The following CPED1 variants were observed in gnomAD, a reference collection of about 807,000 sequenced individuals.
The protein encoded by CPED1 is cadherin-like and PC-esterase domain-containing protein 1.
CPED1 carries 114 observed loss-of-function variants against 128.2 expected under a neutral mutation model. The observed-to-expected ratio is 0.89, with a 90% CI of 0.76 to 1.04. The LOEUF is 1.04. Ranked by LOEUF, CPED1 falls within the 50% of genes least tolerant of loss-of-function variation. The pLI, the probability that CPED1 is intolerant of heterozygous loss-of-function variation, is 0.00. For missense variants in CPED1, 1,211 were observed against 1,207.1 expected, an observed-to-expected ratio of 1.00 and a Z score of -0.05; for synonymous variants, 462 against 426.7, an observed-to-expected ratio of 1.08 and a Z score of -1.02.
At chr7:121,250,251 T>C (rs916550091) in intron 18 of CPED1, among the ~76,000 whole-genome samples, 1 of 151,788 alleles carries the variant, frequency 6.6e-6, no homozygotes, top group African/African-American at 2.4e-5. Flanking sequence ...AAGGCAGAAA[T>C]AAAGATGTTC....
At chr7:121,202,188 G>A (rs1797414887) in intron 16 of CPED1, among the ~76,000 whole-genome samples, 1 of 152,086 alleles carries the variant, frequency 6.6e-6, no homozygotes, top group South Asian at 2.1e-4. Flanking sequence ...TCCTTCCAAA[G>A]TTTTGGCCAC....
At chr7:121,008,115 C>T (rs1289730760) in intron 2 of CPED1, among the ~76,000 whole-genome samples, 3 of 152,038 alleles carry the variant, frequency 2.0e-5, no homozygotes, top group Admixed American at 2.0e-4. Context: ...GGGTACTCAT[C>T]CATCCAGAAA....
chr7:121,064,498 G>T (rs542981619), intron 5 of CPED1, among the ~76,000 whole-genome samples, 185 bp downstream of exon 5: 5 of 152,252 alleles, frequency 3.3e-5, no homozygotes, highest in East Asian at 3.9e-4. Flanking sequence ...AATAACAACC[G>T]TAACGTAACA....
At chr7:121,180,112 C>T (rs898923900) in intron 16 of CPED1, among the ~76,000 whole-genome samples, 2 of 152,036 alleles carry the variant, frequency 1.3e-5, no homozygotes, top group Admixed American at 6.6e-5. Flanking sequence ...AATAGTATCA[C>T]ATGGTGGTCC....
chr7:121,063,486 AT>A (rs1793739098), intron 4 of CPED1, among the ~76,000 whole-genome samples: 1 of 148,056 alleles, frequency 6.8e-6, no homozygotes, highest in African/African-American at 2.5e-5. Flanking sequence ...CAGCTGGGTT[AT>A]TTCTATCAAG....
intron 16 of CPED1, among the ~76,000 whole-genome samples, chr7:121,209,922 C>T (rs1797606476): frequency 2.0e-5 from 3 of 151,866 alleles, no homozygotes; most frequent in Admixed American, 2.0e-4. Flanking sequence ...AGAGAAAAAT[C>T]TAATCATCCA....
rs760693153 is a variant in CPED1 at position 121,295,816 on chromosome 7, T to C, written c.*164T>C. On this transcript the variant is annotated 3_prime_UTR_variant, in exon 23 of 23. Coordinates refer to ENST00000310396, the MANE Select transcript of CPED1 (RefSeq NM_024913.5). ...CAGTACACACACAGTTAAATAATGA[T>C]AACACTTCTTACAGCTTTATGAATT... 1.8e-5 allele frequency: 10 copies of C among 560,476 alleles called. No individual in the cohort carries two copies. Among genetic ancestry groups the C allele is most frequent in the Non-Finnish European group, 2.5e-5 (8 of 315,128 alleles). The allele number at this position is 560,476 out of a possible 1,614,324, so 34.7% of individuals were successfully genotyped here.
At chr7:121,162,179 CTGGTGAGGACTA>C (rs2116438648) in intron 16 of CPED1, among the ~76,000 whole-genome samples, 1 of 152,292 alleles carries the variant, frequency 6.6e-6, no homozygotes, top group South Asian at 2.1e-4. Flanking sequence ...GCAATAGGAA[CTGGTGAGGACTA>C]TGGCTAAGTG....
chr7:121,167,253 AAAG>A (rs1490101771), intron 16 of CPED1, among the ~76,000 whole-genome samples: 1 of 152,232 alleles, frequency 6.6e-6, no homozygotes, highest in African/African-American at 2.4e-5. Context: ...AATAGGAAAA[AAAG>A]AAGGATTAAC....
chr7:120,996,428 A>G (rs542851006), intron 2 of CPED1, among the ~76,000 whole-genome samples: 4 of 152,306 alleles, frequency 2.6e-5, no homozygotes, highest in African/African-American at 9.6e-5. Context: ...GCAAAGTCCA[A>G]AATATTCTTG....
chr7:121,245,699 G>A (rs1427700061), intron 18 of CPED1, among the ~76,000 whole-genome samples: 1 of 149,338 alleles, frequency 6.7e-6, no homozygotes, highest in Non-Finnish European at 1.5e-5. Context: ...CTACTCCACA[G>A]GCATTTTTTT....
intron 7 of CPED1, among the ~76,000 whole-genome samples, chr7:121,102,364 A>G (rs927042872): frequency 2.6e-5 from 4 of 152,158 alleles, no homozygotes; most frequent in African/African-American, 9.7e-5. Context: ...TCCAGCTAGT[A>G]TGATGTTTGG....
At chr7:121,047,736 A>C (rs1453576251) in intron 4 of CPED1, among the ~76,000 whole-genome samples, 2 of 130,218 alleles carry the variant, frequency 1.5e-5, no homozygotes, top group African/African-American at 3.4e-5. Context: ...TTTGAGACGT[A>C]ATCTTGCTCC....
chr7:121,110,240 G>A (rs1795076607), intron 7 of CPED1, among the ~76,000 whole-genome samples: 1 of 152,116 alleles, frequency 6.6e-6, no homozygotes, highest in Non-Finnish European at 1.5e-5. Flanking sequence ...TATGCTAGAT[G>A]TTATGTTGGG....
At chr7:121,245,845 C>G (rs1798514999) in intron 18 of CPED1, among the ~76,000 whole-genome samples, 1 of 152,070 alleles carries the variant, frequency 6.6e-6, no homozygotes, top group South Asian at 2.1e-4. Flanking sequence ...CGCCTGCCAC[C>G]ACGCCTGGCT....
chr7:121,174,282 A>C (rs1176543632), intron 16 of CPED1, among the ~76,000 whole-genome samples: 1 of 152,174 alleles, frequency 6.6e-6, no homozygotes, highest in African/African-American at 2.4e-5. Context: ...CATCTTCGTC[A>C]TAAAATAATT....
intron 3 of CPED1, among the ~76,000 whole-genome samples, chr7:121,036,508 T>TATA (rs561110849): frequency 0.091 from 11,805 of 129,662 alleles, 639 homozygotes; most frequent in Admixed American, 0.16. Context: ...TATATATATA[T>TATA]TTTTTTTTTC....
chr7:121,074,042 G>T (rs1794060359), intron 5 of CPED1, among the ~76,000 whole-genome samples: 1 of 151,978 alleles, frequency 6.6e-6, no homozygotes, highest in Admixed American at 6.6e-5. Flanking sequence ...CTCTTCCATA[G>T]CTCTGACAAT....
At chr7:121,140,204 A>G (rs1430763479) in intron 14 of CPED1, among the ~76,000 whole-genome samples, 4 of 152,004 alleles carry the variant, frequency 2.6e-5, no homozygotes, top group South Asian at 4.1e-4. Flanking sequence ...TCTAGATTCT[A>G]TGACAGGATG....
Sources: allele counts gnomAD v4.1 joint callset (sites outside exome capture counted in the v4.1 genomes callset), GRCh38; gene constraint gnomAD v4.1.1; transcripts MANE v1.5; gene names NCBI Gene and HGNC (gene_info 2026-07-23, HGNC 2026-07-21).